Variants in PDXDC1 observed in about 807,000 individuals in gnomAD.
PDXDC1 encodes pyridoxal-dependent decarboxylase domain-containing protein 1.
Under a neutral mutation model 100.1 loss-of-function variants are expected in PDXDC1, and 42 were observed. That is an observed-to-expected ratio of 0.42 (90% CI 0.33 to 0.54). The LOEUF (loss-of-function observed/expected upper bound fraction) is 0.54, where lower values mean the gene tolerates loss of function less well. Among genes scored for constraint, PDXDC1 ranks in the 20% least tolerant of loss-of-function variants. PDXDC1 has a pLI of 0.10. For synonymous variants in PDXDC1, 260 were observed against 371.7 expected (o/e 0.70, Z 3.46); for missense variants, 636 against 979.2 (o/e 0.65, Z 4.68).
At chr16:15,098,536 G>A (rs1222545648) in intron 16 of PDXDC1, among the ~76,000 whole-genome samples, 1 of 151,872 alleles carries the variant, frequency 6.6e-6, no homozygotes, top group African/African-American at 2.4e-5. Flanking sequence ...TGTTCATCTG[G>A]ATCCTCCCTA....
chr16:15,121,872 CG>C (rs1197924264), intron 16 of PDXDC1: 1 of 188,970 alleles, frequency 5.3e-6, no homozygotes, highest in Non-Finnish European at 1.1e-5. Flanking sequence ...TGGCCAGGCG[CG>C]GTGGCTCACG....
chr16:15,027,607 CAG>C (rs2042710722), intron 14 of PDXDC1, among the ~76,000 whole-genome samples: 1 of 152,256 alleles, frequency 6.6e-6, no homozygotes. Flanking sequence ...AGAAGGGAGA[CAG>C]ATTTCCCTTG....
chr16:15,127,964 G>A (rs777235163), intron 16 of PDXDC1: 110 of 1,540,360 alleles, frequency 7.1e-5, no homozygotes, highest in Non-Finnish European at 8.4e-5. Flanking sequence ...AACCTCCCAC[G>A]GAGTGGGAAC....
intron 1 of PDXDC1, among the ~76,000 whole-genome samples, chr16:14,980,843 G>T (rs1967803753): frequency 6.6e-6 from 1 of 152,270 alleles, no homozygotes; most frequent in Non-Finnish European, 1.5e-5. Context: ...CAAGTAATCT[G>T]CCCACCTTGG....
chr16:15,125,653 C>G (rs765580632), intron 16 of PDXDC1: 2 of 1,271,396 alleles, frequency 1.6e-6, no homozygotes, highest in East Asian at 2.3e-5. Flanking sequence ...GGCGGCAGGA[C>G]CCCCAGCCCA....
At chr16:15,045,045 C>T (rs1189347667) in intron 16 of PDXDC1, 1 of 151,894 alleles carries the variant, frequency 6.6e-6, no homozygotes, top group East Asian at 1.9e-4. Context: ...AACTGCTTGA[C>T]CCTGGGAGGC....
intron 1 of PDXDC1, chr16:14,988,160 G>C: frequency 1.3e-6 from 2 of 1,539,964 alleles, no homozygotes; most frequent in Non-Finnish European, 1.8e-6. Flanking sequence ...AAGGCACAAA[G>C]GGCGGGTGCT....
At chr16:15,081,330 C>T (rs1255234703) in intron 16 of PDXDC1, among the ~76,000 whole-genome samples, 3 of 152,218 alleles carry the variant, frequency 2.0e-5, no homozygotes, top group African/African-American at 4.8e-5. Context: ...TACATTCTCA[C>T]AGCAACATAT....
At chr16:15,032,220 C>T in intron 17 of PDXDC1, 1 of 338,370 alleles carries the variant, frequency 3.0e-6, no homozygotes, top group Non-Finnish European at 5.4e-6. Flanking sequence ...TAGAGAATTG[C>T]AAATCAGTAA....
chr16:15,049,823 T>C (rs574277556), intron 16 of PDXDC1, among the ~76,000 whole-genome samples: 1 of 152,226 alleles, frequency 6.6e-6, no homozygotes, highest in East Asian at 1.9e-4. Context: ...TGCACAGTCA[T>C]GAGAAATGAA....
At chr16:15,129,323 A>G (rs547001238) in intron 16 of PDXDC1, among the ~76,000 whole-genome samples, 1 of 151,638 alleles carries the variant, frequency 6.6e-6, no homozygotes, top group South Asian at 2.1e-4. Flanking sequence ...CTGTACTCCC[A>G]GCTACTCAGG....
At chr16:15,047,175 A>G in intron 16 of PDXDC1, 3 of 493,880 alleles carry the variant, frequency 6.1e-6, no homozygotes. Context: ...GAAAATCGCA[A>G]CCTCGACGTT....
chr16:15,038,023 C>T lies in PDXDC1; in HGVS notation c.*1748C>T. 6.2e-7 allele frequency: 1 copy of T among 1,606,898 alleles called. No homozygotes were observed. Among genetic ancestry groups the T allele is most frequent in the Non-Finnish European group, 8.5e-7 (1 of 1,176,418 alleles). On this transcript the variant is annotated 3_prime_UTR_variant, in exon 23 of 23. Coordinates refer to ENST00000396410, the MANE Select transcript of PDXDC1 (RefSeq NM_015027.4). ...CAAGAAGGTGCTTTCTTTGGTAATT[C>T]ATGTTTTTTAACTTCCTGGAGAAGA...
At chr16:15,104,544 G>C (rs543842154) in intron 16 of PDXDC1, 2 of 1,559,566 alleles carry the variant, frequency 1.3e-6, no homozygotes, top group African/African-American at 1.7e-5. Flanking sequence ...GCAGACACTC[G>C]GAGGTGTCTT....
intron 16 of PDXDC1, among the ~76,000 whole-genome samples, chr16:15,079,596 CTTT>C (rs35328128): frequency 7.7e-5 from 11 of 143,022 alleles, no homozygotes; most frequent in Non-Finnish European, 6.1e-5. Flanking sequence ...GGTTTCTTTT[CTTT>C]TTTTTTTTTT....
At chr16:14,993,648 G>T (rs1322966558) in intron 1 of PDXDC1, among the ~76,000 whole-genome samples, 2 of 152,288 alleles carry the variant, frequency 1.3e-5, no homozygotes, top group African/African-American at 4.8e-5. Flanking sequence ...AATCCTTTGG[G>T]TATATACCCA....
chr16:15,142,147 C>T (rs1349648467), downstream of PDXDC1, among the ~76,000 whole-genome samples: 2 of 152,176 alleles, frequency 1.3e-5, no homozygotes, highest in Admixed American at 1.3e-4. Flanking sequence ...GGCCACACCT[C>T]ATTTTCTGGA....
chr16:15,039,523 TTTAAA>T (rs1250357810), downstream of PDXDC1, among the ~76,000 whole-genome samples: 3 of 152,214 alleles, frequency 2.0e-5, no homozygotes, highest in African/African-American at 7.2e-5. Context: ...GGAATCAGAC[TTTAAA>T]TTAATTTGAT....
the PDXDC1 span, among the ~76,000 whole-genome samples, chr16:15,148,440 G>C: frequency 7.6e-6 from 1 of 131,846 alleles, no homozygotes; most frequent in African/African-American, 2.9e-5. Context: ...CTGGAGTGCA[G>C]TGGTGTGATC....
Sources: allele counts gnomAD v4.1 joint callset (sites outside exome capture counted in the v4.1 genomes callset), GRCh38; gene constraint gnomAD v4.1.1; transcripts MANE v1.5; gene names NCBI Gene and HGNC (gene_info 2026-07-23, HGNC 2026-07-21).